Variants in EXO1 observed in about 807,000 individuals in gnomAD.
EXO1 encodes exonuclease 1.
Under a neutral mutation model 84.5 loss-of-function variants are expected in EXO1, and 69 were observed. That is an observed-to-expected ratio of 0.82 (90% CI 0.67 to 1.00). The LOEUF (loss-of-function observed/expected upper bound fraction) is 1.00, where lower values mean the gene tolerates loss of function less well. Ranked by LOEUF, EXO1 falls within the 50% of genes least tolerant of loss-of-function variation. The probability of loss-of-function intolerance (pLI) is 0.00; values close to 1 mark genes in which losing one functional copy is unlikely to be tolerated. For missense variants in EXO1, 1,045 were observed against 1,000.7 expected (o/e 1.04, Z -0.60); for synonymous variants, 373 against 366.1 (o/e 1.02, Z -0.21).
intron 3 of EXO1, among the ~76,000 whole-genome samples, chr1:241,850,186 CAGG>C (rs920364926): frequency 2.0e-4 from 30 of 151,802 alleles, no homozygotes; most frequent in African/African-American, 7.2e-4. Flanking sequence ...AAGGCTGAGG[CAGG>C]AGAATGGCGT....
chr1:241,868,582 C>T (rs141394347), intron 11 of EXO1, among the ~76,000 whole-genome samples: 340 of 152,210 alleles, frequency 2.2e-3, no homozygotes, highest in African/African-American at 7.8e-3. Flanking sequence ...GTGGGAGGAT[C>T]GCTCGAGCCT....
chr1:241,869,971 C>A (rs1210637668), intron 11 of EXO1, among the ~76,000 whole-genome samples: 2 of 152,144 alleles, frequency 1.3e-5, no homozygotes, highest in Admixed American at 1.3e-4. Flanking sequence ...ACTACCACAC[C>A]TGGCTAATTT....
intron 4 of EXO1, among the ~76,000 whole-genome samples, chr1:241,852,076 A>C (rs1314564386): frequency 3.9e-5 from 6 of 152,228 alleles, no homozygotes; most frequent in African/African-American, 1.4e-4. Context: ...TGGAGGGTCA[A>C]GTAGTTCACC....
At chr1:241,879,555 CTG>C (rs754862290) in intron 13 of EXO1, among the ~76,000 whole-genome samples, 14 of 152,304 alleles carry the variant, frequency 9.2e-5, no homozygotes, top group Admixed American at 4.6e-4. Flanking sequence ...TAAATTAACT[CTG>C]TATATTTCCT....
rs1327872590 is a variant in EXO1 at position 241,857,483 on chromosome 1, G to T, written c.543+1G>T. ...TCTCCTAGCTTTTGGCTGTAAAAAG[G>T]TACTCACCTCTGACTACTATATATT... On this transcript the variant is annotated splice_donor_variant, in intron 7 of 15. Coordinates refer to ENST00000366548, the MANE Select transcript of EXO1 (RefSeq NM_130398.4). LOFTEE classifies it high-confidence loss of function. 1 of 1,612,800 alleles carries T rather than the reference G, an allele frequency of 6.2e-7. No homozygotes were observed. Among genetic ancestry groups the T allele is most frequent in the Non-Finnish European group, 8.5e-7 (1 of 1,179,412 alleles).
chr1:241,889,640 G>A lies in EXO1; in HGVS notation c.*40G>A, dbSNP rs760242838. On this transcript the variant is annotated 3_prime_UTR_variant, in exon 16 of 16. Transcript: ENST00000366548. Reference sequence around the variant, plus strand: ...AAAGCTTTTGCCTGCAAGAGAATCTGATCAATTTGAAGTCCCTGTTTGGGA... The same window carrying A: ...AAAGCTTTTGCCTGCAAGAGAATCTAATCAATTTGAAGTCCCTGTTTGGGA... The A allele has an allele frequency of 6.2e-6, 10 of 1,608,606 alleles. No individual in the cohort carries two copies. The Admixed American group carries it at 1.7e-4, about 27-fold the overall frequency.
chr1:241,867,141 C>T (rs1266272276), intron 11 of EXO1, 86 bp downstream of exon 11: 1 of 915,930 alleles, frequency 1.1e-6, no homozygotes, highest in Non-Finnish European at 1.8e-6. Flanking sequence ...CGAAGATTTT[C>T]TCCTGTTTTC....
At chr1:241,862,973 C>T (rs1192338806) in intron 10 of EXO1, among the ~76,000 whole-genome samples, 2 of 152,168 alleles carry the variant, frequency 1.3e-5, no homozygotes, top group African/African-American at 2.4e-5. Context: ...AGATCCTTGC[C>T]TGTCAAATGC....
chr1:241,865,788 C>G (rs983636211), intron 10 of EXO1, among the ~76,000 whole-genome samples: 2 of 152,076 alleles, frequency 1.3e-5, no homozygotes, highest in Non-Finnish European at 2.9e-5. Flanking sequence ...TTAGTAAAAC[C>G]ATCAGTGGGA....
chr1:241,865,227 T>TG (rs1661646787), intron 10 of EXO1, among the ~76,000 whole-genome samples: 1 of 150,888 alleles, frequency 6.6e-6, no homozygotes, highest in Non-Finnish European at 1.5e-5. Context: ...TTTTTTTTTT[T>TG]TTTGAACAGA....
chr1:241,875,939 C>CT (rs1435472818), intron 12 of EXO1, among the ~76,000 whole-genome samples: 1 of 152,210 alleles, frequency 6.6e-6, no homozygotes, highest in Non-Finnish European at 1.5e-5. Flanking sequence ...TCACTTGGAA[C>CT]AGTTTTTCTA....
intron 11 of EXO1, among the ~76,000 whole-genome samples, chr1:241,870,712 A>G (rs1662034777): frequency 6.6e-6 from 1 of 152,134 alleles, no homozygotes; most frequent in Non-Finnish European, 1.5e-5. Flanking sequence ...ATTTTAGTTC[A>G]TTGTTCTGCC....
In EXO1 at chr1:241,850,422, C is replaced by A; in HGVS notation, c.-4C>A. 6.2e-7 allele frequency: 1 copy of A among 1,611,670 alleles called. No homozygotes were observed. Among genetic ancestry groups the A allele is most frequent in the South Asian group, 1.1e-5 (1 of 91,032 alleles). On this transcript the variant is annotated 5_prime_UTR_variant, in exon 4 of 16. Transcript: ENST00000366548. ...TTTTCATATCAGGTAGTTAATTTGG[C>A]ACCATGGGGATACAGGGATTGCTAC...
intron 12 of EXO1, 64 bp from the exon 13 acceptor site, chr1:241,878,685 C>T: frequency 2.2e-6 from 2 of 918,908 alleles, no homozygotes; most frequent in East Asian, 2.6e-5. Flanking sequence ...TGAATCTTGA[C>T]ACCCCTTGAG....
chr1:241,868,291 A>G (rs1661864809), intron 11 of EXO1, among the ~76,000 whole-genome samples: 1 of 150,996 alleles, frequency 6.6e-6, no homozygotes, highest in Non-Finnish European at 1.5e-5. Flanking sequence ...CAGGGGAATC[A>G]CTTGAACCTG....
At chr1:241,873,663 A>T (rs567468084) in intron 12 of EXO1, among the ~76,000 whole-genome samples, 2 of 152,346 alleles carry the variant, frequency 1.3e-5, no homozygotes, top group Admixed American at 6.5e-5. Flanking sequence ...TTTGTTTTTC[A>T]GAAGCTTGTA....
At chr1:241,852,115 G>C (rs979944980) in intron 4 of EXO1, among the ~76,000 whole-genome samples, 177 bp from the exon 5 acceptor site, 2 of 152,168 alleles carry the variant, frequency 1.3e-5, no homozygotes, top group African/African-American at 4.8e-5. Context: ...AAGTATCCAA[G>C]GCAGGATTTG....
In EXO1 at chr1:241,858,651, T is replaced by A; in HGVS notation, c.689T>A (p.Leu230Gln). The change falls in exon 8 of 16, where the codon CTG becomes CAG. Residue 230 changes from leucine (L) to glutamine (Q), a missense_variant. Physicochemically the swap from Leu to Gln is moderately radical, Grantham distance 113 (BLOSUM62 -2). Coordinates refer to ENST00000366548, the MANE Select transcript of EXO1 (RefSeq NM_130398.4). ...TCAGGTTGTGACTACCTGTCATCACTGCGTGGGATTGGATTAGCAAAGGCA... is the reference window on the plus strand; with the variant it reads ...TCAGGTTGTGACTACCTGTCATCACAGCGTGGGATTGGATTAGCAAAGGCA... ...ILSGCDYLSS[L>Q]RGIGLAKACK... 6.2e-7 allele frequency: 1 copy of A among 1,614,120 alleles called. No individual in the cohort carries two copies. Among genetic ancestry groups the A allele is most frequent in the Non-Finnish European group, 8.5e-7 (1 of 1,179,974 alleles).
chr1:241,851,470 G>T (rs112605747), intron 4 of EXO1, among the ~76,000 whole-genome samples: 3 of 152,254 alleles, frequency 2.0e-5, no homozygotes, highest in African/African-American at 7.2e-5. Context: ...TTTGCGTTAT[G>T]CAAAAAGATT....
Sources: allele counts gnomAD v4.1 joint callset (sites outside exome capture counted in the v4.1 genomes callset), GRCh38; gene constraint gnomAD v4.1.1; transcripts MANE v1.5; gene names NCBI Gene and HGNC (gene_info 2026-07-23, HGNC 2026-07-21).